SNTB1: variants seen among roughly 807,000 people sequenced by gnomAD.
The protein encoded by SNTB1 is beta-1-syntrophin.
In SNTB1, 36 loss-of-function variants were observed where a neutral mutation model predicts 48.9. The observed-to-expected ratio is 0.74, with a 90% confidence interval of 0.56 to 0.97. The LOEUF is 0.97. Ranked by LOEUF, SNTB1 falls within the 50% of genes least tolerant of loss-of-function variation. The probability of loss-of-function intolerance (pLI) is 0.00; values close to 1 mark genes in which losing one functional copy is unlikely to be tolerated. For synonymous variants in SNTB1, 299 were observed against 294.6 expected (o/e 1.01, Z -0.15); for missense variants, 786 against 703.4 (o/e 1.12, Z -1.33).
Position 120,811,886 on chromosome 8 carries a change from G to T in SNTB1, c.-43C>A. ...AATGCCATGTGATTGGAAAAGGGGG[G>T]AAAAGTGGGGAAGGGTGGCCGGGGG... is the stretch of plus-strand genomic sequence containing the variant. On this transcript the variant is annotated 5_prime_UTR_variant, in exon 1 of 7. Coordinates refer to ENST00000517992, the MANE Select transcript of SNTB1 (RefSeq NM_021021.4). 3 of 1,308,282 alleles carry T rather than the reference G, an allele frequency of 2.3e-6. No homozygotes were observed. Among genetic ancestry groups the T allele is most frequent in the Non-Finnish European group, 2.9e-6 (3 of 1,031,720 alleles). 81.0% of individuals were successfully genotyped at this position (1,308,282 alleles called of 1,614,324 possible).
intron 3 of SNTB1, among the ~76,000 whole-genome samples, chr8:120,631,909 A>G (rs993848910): frequency 6.6e-6 from 1 of 152,198 alleles, no homozygotes; most frequent in African/African-American, 2.4e-5. Context: ...TAATGATGAC[A>G]TTAAAGAGTG....
chr8:120,667,717 T>G (rs935258485), intron 2 of SNTB1, among the ~76,000 whole-genome samples: 1 of 152,182 alleles, frequency 6.6e-6, no homozygotes, highest in Non-Finnish European at 1.5e-5. Flanking sequence ...AGGTTGGATA[T>G]TTTTATATTC....
intron 3 of SNTB1, among the ~76,000 whole-genome samples, chr8:120,600,284 C>T (rs1816401688): frequency 6.6e-6 from 1 of 152,218 alleles, no homozygotes. Flanking sequence ...GATCCAGCCA[C>T]CATGCTGAGA....
At chr8:120,676,668 TC>T (rs1261746693) in intron 2 of SNTB1, among the ~76,000 whole-genome samples, 1 of 152,120 alleles carries the variant, frequency 6.6e-6, no homozygotes, top group Non-Finnish European at 1.5e-5. Flanking sequence ...TATGAAGGAT[TC>T]CAAAAGAAAA....
intron 2 of SNTB1, 113 bp from the exon 3 acceptor site, chr8:120,632,764 T>C (rs1817006313): frequency 1.2e-5 from 10 of 863,256 alleles, no homozygotes; most frequent in African/African-American, 1.7e-5. Context: ...ACTTTGTCAG[T>C]TTCTAACGGG....
intron 1 of SNTB1, among the ~76,000 whole-genome samples, chr8:120,725,571 C>CT (rs1474279688): frequency 6.6e-6 from 1 of 152,190 alleles, no homozygotes; most frequent in East Asian, 1.9e-4. Context: ...TTGGAAGCCA[C>CT]TTTCTTTGTT....
At chr8:120,805,345 A>G (rs1034868808) in intron 1 of SNTB1, among the ~76,000 whole-genome samples, 1 of 152,208 alleles carries the variant, frequency 6.6e-6, no homozygotes, top group Admixed American at 6.5e-5. Context: ...ATGAGATGAC[A>G]TTTAAATGGA....
At chr8:120,660,708 G>T (rs966683196) in intron 2 of SNTB1, among the ~76,000 whole-genome samples, 3 of 152,188 alleles carry the variant, frequency 2.0e-5, no homozygotes, top group Non-Finnish European at 4.4e-5. Context: ...CTAACTTTCA[G>T]CCTATTTCAG....
intron 3 of SNTB1, among the ~76,000 whole-genome samples, chr8:120,592,558 T>C (rs1010430692): frequency 1.3e-5 from 2 of 152,148 alleles, no homozygotes; most frequent in Non-Finnish European, 2.9e-5. Context: ...ATGTATTCTT[T>C]CATGCTATAA....
intron 2 of SNTB1, among the ~76,000 whole-genome samples, chr8:120,688,696 A>C (rs1354165964): frequency 6.6e-6 from 1 of 152,138 alleles, no homozygotes; most frequent in African/African-American, 2.4e-5. Flanking sequence ...AATTGTAGGA[A>C]GTATACAAAT....
intron 5 of SNTB1, among the ~76,000 whole-genome samples, 160 bp downstream of exon 5, chr8:120,548,602 G>A (rs1368833436): frequency 6.6e-6 from 1 of 152,124 alleles, no homozygotes; most frequent in Non-Finnish European, 1.5e-5. Flanking sequence ...TTACATTTTA[G>A]TAGGGTATAG....
intron 1 of SNTB1, among the ~76,000 whole-genome samples, chr8:120,759,914 G>T (rs1276230916): frequency 1.3e-5 from 2 of 152,110 alleles, no homozygotes; most frequent in East Asian, 3.9e-4. Flanking sequence ...AGTGTCAAGG[G>T]ATTCAAACTT....
intron 1 of SNTB1, among the ~76,000 whole-genome samples, chr8:120,725,105 T>C (rs1372284211): frequency 1.3e-5 from 2 of 152,050 alleles, no homozygotes; most frequent in Non-Finnish European, 2.9e-5. Context: ...CAGAACCCAC[T>C]TGGCCAAGTA....
rs189435236 is a variant in SNTB1 at position 120,564,822 on chromosome 8, C to T, written c.1136+10264G>A. On this transcript the variant is annotated intron_variant, in intron 4 of 6. Coordinates refer to ENST00000517992, the MANE Select transcript of SNTB1 (RefSeq NM_021021.4). ...CTGACCTCAGGTGATCCACCCGCCT[C>T]GGCCTCCCAAAGTGCTGGGATTACA... 9.6e-3 allele frequency among the ~76,000 whole-genome samples: 1,462 copies of T among 152,068 alleles called. 21 individuals are homozygous for T. Among genetic ancestry groups the T allele is most frequent in the African/African-American group, 0.034 (1,400 of 41,486 alleles).
chr8:120,785,732 C>G (rs1229110053), intron 1 of SNTB1, among the ~76,000 whole-genome samples: 2 of 152,168 alleles, frequency 1.3e-5, no homozygotes, highest in African/African-American at 4.8e-5. Context: ...AGTACCTACT[C>G]TGGGAAACAC....
intron 1 of SNTB1, among the ~76,000 whole-genome samples, chr8:120,758,010 AT>A (rs1317797633): frequency 6.6e-6 from 1 of 152,152 alleles, no homozygotes. Flanking sequence ...TGCTAAATGC[AT>A]TATCTCATTT....
chr8:120,701,403 A>G (rs1818307560), intron 1 of SNTB1, among the ~76,000 whole-genome samples: 1 of 152,060 alleles, frequency 6.6e-6, no homozygotes, highest in Admixed American at 6.5e-5. Context: ...GGAGGGAAAT[A>G]AGGTCCCTAC....
chr8:120,576,456 T>G (rs960467833), intron 3 of SNTB1, among the ~76,000 whole-genome samples: 1 of 152,212 alleles, frequency 6.6e-6, no homozygotes, highest in African/African-American at 2.4e-5. Flanking sequence ...GCTAACACCC[T>G]AGTATGAGGA....
intron 3 of SNTB1, among the ~76,000 whole-genome samples, chr8:120,578,572 A>G (rs1402578939): frequency 6.6e-6 from 1 of 152,134 alleles, no homozygotes; most frequent in Non-Finnish European, 1.5e-5. Flanking sequence ...TTTCTCAAGA[A>G]CTGATCAGAT....
Sources: gnomAD v4.1 joint callset for allele counts (sites outside exome capture counted in the v4.1 genomes callset) on GRCh38, gnomAD v4.1.1 for gene constraint, MANE v1.5 for transcripts, NCBI Gene and HGNC (gene_info 2026-07-23, HGNC 2026-07-21) for gene names.